Variants in RAPGEF3 observed in about 807,000 individuals in gnomAD.
The protein encoded by RAPGEF3 is Rap guanine nucleotide exchange factor 3.
In RAPGEF3, 103 loss-of-function variants were observed where a neutral mutation model predicts 129.8. The ratio of observed to expected loss-of-function variants is 0.79; its 90% CI spans 0.68 to 0.93. The LOEUF is 0.93. Ranked by LOEUF, RAPGEF3 falls within the 40% of genes least tolerant of loss-of-function variation. The probability of loss-of-function intolerance (pLI) is 0.00; values close to 1 mark genes in which losing one functional copy is unlikely to be tolerated. For synonymous variants in RAPGEF3, 436 were observed against 482.6 expected, an observed-to-expected ratio of 0.90 and a Z score of 1.26; for missense variants, 1,117 against 1,207.4, an observed-to-expected ratio of 0.93 and a Z score of 1.11.
Position 47,740,757 on chromosome 12 carries a change from G to C in RAPGEF3, c.2116C>G (p.Arg706Gly). 6.2e-7 allele frequency: 1 copy of C among 1,614,076 alleles called. No homozygotes were observed. Among genetic ancestry groups the C allele is most frequent in the Non-Finnish European group, 8.5e-7 (1 of 1,179,994 alleles). ...AGCTCATTGAAGCGGCGCATGAAGC[G>C]CTCCAGGTTGGCGGTGGTGACATCC... The part of the protein sequence containing the change: ...LRDVTTANLE[R>G]FMRRFNELQY... The change falls in exon 21 of 28, where the codon CGC becomes GGC. Residue 706 changes from arginine to glycine, a missense_variant. Coordinates refer to ENST00000449771, the MANE Select transcript of RAPGEF3 (RefSeq NM_001098531.4).
chr12:47,747,995 C>T (rs1397593092), intron 13 of RAPGEF3, 79 bp downstream of exon 13: 3 of 1,558,010 alleles, frequency 1.9e-6, no homozygotes, highest in African/African-American at 1.4e-5. Context: ...TCAGCACAGC[C>T]ACGCTGGTGA....
chr12:47,748,282 T>TAA (rs1941547627), intron 12 of RAPGEF3, 130 bp from the exon 13 acceptor site: 1 of 977,306 alleles, frequency 1.0e-6, no homozygotes, highest in African/African-American at 1.6e-5. Context: ...GTCCAGCCCC[T>TAA]GTGATAGTGC....
chr12:47,748,019 C>G, intron 13 of RAPGEF3, 55 bp downstream of exon 13: 6 of 1,545,262 alleles, frequency 3.9e-6, no homozygotes, highest in Non-Finnish European at 5.3e-6. Flanking sequence ...TTTCTCTCAA[C>G]CCCACGCACC....
At chr12:47,750,104 G>A (rs1941658162) in intron 7 of RAPGEF3, 114 bp from the exon 8 acceptor site, 4 of 1,281,562 alleles carry the variant, frequency 3.1e-6, no homozygotes, top group East Asian at 4.6e-5. Flanking sequence ...ACAAAGATGT[G>A]GCCAGGTCAG....
chr12:47,742,841 T>C (rs769212485), intron 18 of RAPGEF3, among the ~76,000 whole-genome samples: 1 of 152,162 alleles, frequency 6.6e-6, no homozygotes, highest in Non-Finnish European at 1.5e-5. Flanking sequence ...CCGTCTATGC[T>C]CTTAACCATC....
At chr12:47,741,379 G>T (rs1277279016) in intron 19 of RAPGEF3, 126 bp downstream of exon 19, 1 of 915,470 alleles carries the variant, frequency 1.1e-6, no homozygotes, top group Non-Finnish European at 1.8e-6. Context: ...TGTGTGCTGA[G>T]GACCCAGCAG....
chr12:47,757,749 G>A, intron 2 of RAPGEF3, 117 bp downstream of exon 2: 1 of 988,808 alleles, frequency 1.0e-6, no homozygotes. Context: ...CACGGCAGCT[G>A]TACCACTGTA....
chr12:47,748,759 G>T, intron 11 of RAPGEF3, 60 bp downstream of exon 11: 1 of 1,318,792 alleles, frequency 7.6e-7, no homozygotes, highest in Non-Finnish European at 1.1e-6. Context: ...GGGGAAGGGA[G>T]CAAAGATTGG....
chr12:47,743,211 G>A (rs1488894220), intron 18 of RAPGEF3, among the ~76,000 whole-genome samples: 1 of 152,206 alleles, frequency 6.6e-6, no homozygotes, highest in African/African-American at 2.4e-5. Context: ...TCCTCCAGGA[G>A]GCAAGTACTC....
At position 47,750,115 on chromosome 12, in the gene RAPGEF3, G is replaced by A; in HGVS notation, c.757-125C>T. Reference sequence around the variant, plus strand: ...GGGGACAAAGATGTGGCCAGGTCAGGTGTTCCCAGGATTCAGCAGGAGACA... The same window carrying A: ...GGGGACAAAGATGTGGCCAGGTCAGATGTTCCCAGGATTCAGCAGGAGACA... On this transcript the variant is annotated intron_variant, in intron 7 of 27. Transcript: ENST00000449771. 3.3e-6 allele frequency: 4 copies of A among 1,230,608 alleles called. No homozygotes were observed. In the South Asian group the frequency reaches 4.9e-5, roughly 15 times the overall value. 76.2% of individuals were successfully genotyped at this position (1,230,608 alleles called of 1,614,324 possible). A position where few individuals can be genotyped will look rare whatever the true frequency, so the allele number is the denominator to read the frequency against.
intron 2 of RAPGEF3, among the ~76,000 whole-genome samples, chr12:47,752,348 G>A (rs1255922971): frequency 1.3e-5 from 2 of 152,186 alleles, no homozygotes; most frequent in Admixed American, 6.5e-5. Context: ...TGGGAGATGG[G>A]AGCCAGGATG....
intron 23 of RAPGEF3, chr12:47,739,791 G>A: frequency 2.3e-6 from 1 of 429,404 alleles, no homozygotes; most frequent in Non-Finnish European, 4.3e-6. Context: ...GGCGCTCCAT[G>A]CCAGGCCCTT....
Position 47,738,229 on chromosome 12 carries a change from C to A in RAPGEF3, c.2545G>T (p.Ala849Ser), listed in dbSNP as rs201397656. ...FEKMRMMARA[A>S]RMLHHCRSHN... ...CTTCGGCAGTGGTGCAGCATCCGCG[C>A]GGCTCTGGCCATCATTCTCTGCGGA... The change falls in exon 26 of 28, where the codon GCG (alanine) becomes TCG (serine). Residue 849 changes from alanine (A) to serine (S), a missense_variant. Around this residue, in one of 3 missense-constraint regions of RAPGEF3, gnomAD observed 643 missense variants for 673.4 expected, o/e 0.95. Transcript: ENST00000449771. 6 of 1,613,554 alleles carry A rather than the reference C, an allele frequency of 3.7e-6. No individual in the cohort carries two copies. Among genetic ancestry groups the A allele is most frequent in the East Asian group, 2.2e-5 (1 of 44,884 alleles).
Position 47,747,554 on chromosome 12 carries a change from G to C in RAPGEF3, c.1546C>G (p.Arg516Gly), listed in dbSNP as rs966849072. 6.2e-7 allele frequency: 1 copy of C among 1,613,602 alleles called. No homozygotes were observed. Among genetic ancestry groups the C allele is most frequent in the East Asian group, 2.2e-5 (1 of 44,874 alleles). ...GAGTCAAAGCATCACCTGTGGCATC[G>C]CCGCCTCTCTGGCCACTGCTCCCTC... Reference protein sequence around the residue: ...LLREQWPERRRCHRLENGCGN... With the variant: ...LLREQWPERRGCHRLENGCGN... Residue 516 changes from arginine (R) to glycine (G), a missense_variant, in exon 15 of 28, where the codon CGA becomes GGA. By Grantham distance (125) the Arg-to-Gly change is moderately radical (BLOSUM62 -2). Coordinates refer to ENST00000449771, the MANE Select transcript of RAPGEF3 (RefSeq NM_001098531.4).
chr12:47,751,378 C>T (rs1941732973), intron 5 of RAPGEF3, 21 bp downstream of exon 5: 1 of 1,613,204 alleles, frequency 6.2e-7, no homozygotes, highest in Non-Finnish European at 8.5e-7. Context: ...CCGGGGCACC[C>T]CACCCTGGGC....
intron 16 of RAPGEF3, chr12:47,744,434 T>C (rs903114854): frequency 1.5e-5 from 4 of 258,868 alleles, no homozygotes; most frequent in Non-Finnish European, 3.0e-5. Flanking sequence ...TCTGAGGATC[T>C]AAATATTCAC....
At chr12:47,750,720 T>A (rs1177584781) in intron 6 of RAPGEF3, among the ~76,000 whole-genome samples, 1 of 152,234 alleles carries the variant, frequency 6.6e-6, no homozygotes, top group Admixed American at 6.5e-5. Context: ...AGCTGGAATT[T>A]GAACCTGGAC....
In RAPGEF3 at chr12:47,749,525, G is replaced by T; in HGVS notation, c.906C>A (p.Thr302=). The T allele has an allele frequency of 6.2e-7, 1 of 1,610,008 alleles. No individual in the cohort carries two copies. The highest frequency in any genetic ancestry group is 1.1e-5 in the South Asian group (1 of 91,036). ...CAAAATCATCTCCCTCATGCAGGGT[G>T]GTCACCAGCCCCTGCAGCCAGGCCT... ...NVVTHGKGLV[T]TLHEGDDFGQ... The change falls in exon 10 of 28, where the codon ACC becomes ACA. Residue 302 remains threonine, a synonymous_variant. Coordinates refer to ENST00000449771, the MANE Select transcript of RAPGEF3 (RefSeq NM_001098531.4). The surrounding 1 kb of genome is among the most constrained non-coding windows in gnomAD (Gnocchi z 4.5).
At position 47,758,682 on chromosome 12, in the gene RAPGEF3, T is replaced by A. The variant is rs1942253427; in HGVS notation, c.-126A>T. ...GTGGGTAAGTCCAGGTACAGTGAAC[T>A]GGGCCAGTGCCTAGCTGGACTGGCT... On this transcript the variant is annotated 5_prime_UTR_variant, in exon 1 of 28. Transcript: ENST00000449771. 7.0e-7 allele frequency: 1 copy of A among 1,436,166 alleles called. No homozygotes were observed. Among genetic ancestry groups the A allele is most frequent in the Non-Finnish European group, 9.3e-7 (1 of 1,081,038 alleles). 89.0% of individuals were successfully genotyped at this position (1,436,166 alleles called of 1,614,324 possible). A position where few individuals can be genotyped will look rare whatever the true frequency, so the allele number is the denominator to read the frequency against.
Sources: allele counts gnomAD v4.1 joint callset (sites outside exome capture counted in the v4.1 genomes callset), GRCh38; gene constraint gnomAD v4.1.1; regional missense constraint gnomAD v4.1.1; non-coding constraint Gnocchi (gnomAD v3.1); transcripts MANE v1.5; gene names NCBI Gene and HGNC (gene_info 2026-07-23, HGNC 2026-07-21).